The following LIMS1 variants were observed in gnomAD, a reference collection of about 807,000 sequenced individuals.
LIMS1 encodes the protein LIM and senescent cell antigen-like-containing domain protein 1.
LIMS1 carries 18 observed loss-of-function variants against 44.1 expected under a neutral mutation model. The observed-to-expected ratio is 0.41, with a 90% CI of 0.28 to 0.61. The LOEUF (loss-of-function observed/expected upper bound fraction) is 0.61. Ranked by LOEUF, LIMS1 falls within the 20% of genes least tolerant of loss-of-function variation. LIMS1 has a pLI of 0.32. For missense variants in LIMS1, 201 were observed against 422.0 expected, an observed-to-expected ratio of 0.48 and a Z score of 4.59; for synonymous variants, 93 against 149.1, an observed-to-expected ratio of 0.62 and a Z score of 2.74.
intron 1 of LIMS1, among the ~76,000 whole-genome samples, chr2:108,601,761 C>T (rs1014535765): frequency 6.6e-6 from 1 of 152,252 alleles, no homozygotes. Context: ...AGGTGATCCA[C>T]CCACCTTGGC....
chr2:108,570,523 G>T (rs1398221139), intron 1 of LIMS1, among the ~76,000 whole-genome samples: 1 of 152,156 alleles, frequency 6.6e-6, no homozygotes, highest in Non-Finnish European at 1.5e-5. Flanking sequence ...TTGCTGGCAG[G>T]TTGGTCGTGG....
chr2:108,567,093 CAAAT>C (rs1054419129), intron 1 of LIMS1, among the ~76,000 whole-genome samples: 1 of 152,154 alleles, frequency 6.6e-6, no homozygotes, highest in Non-Finnish European at 1.5e-5. Context: ...AGCAGATTCT[CAAAT>C]AATGTTGTTT....
At chr2:108,540,197 T>G (rs1330319887) in intron 1 of LIMS1, among the ~76,000 whole-genome samples, 1 of 139,894 alleles carries the variant, frequency 7.1e-6, no homozygotes, top group African/African-American at 2.6e-5. Flanking sequence ...AGATTCCTTT[T>G]TTTTTTTTTT....
intron 1 of LIMS1, among the ~76,000 whole-genome samples, chr2:108,584,323 A>G (rs1157125467): frequency 6.6e-6 from 1 of 152,174 alleles, no homozygotes; most frequent in Non-Finnish European, 1.5e-5. Flanking sequence ...TCTGCTGTCA[A>G]GAAGACTTAT....
At chr2:108,534,687 C>A in intron 1 of LIMS1, 93 bp downstream of exon 1, 6 of 746,566 alleles carry the variant, frequency 8.0e-6, no homozygotes, top group Non-Finnish European at 9.8e-6. Context: ...CGCGGGCGGG[C>A]GGCCGGGCTT....
intron 1 of LIMS1, among the ~76,000 whole-genome samples, chr2:108,573,990 C>A (rs1685579591): frequency 6.6e-6 from 1 of 152,070 alleles, no homozygotes. Flanking sequence ...GCTTTATAGT[C>A]TTTACTCACT....
chr2:108,668,184 A>G (rs936540615), intron 2 of LIMS1, among the ~76,000 whole-genome samples: 1 of 152,226 alleles, frequency 6.6e-6, no homozygotes, highest in Non-Finnish European at 1.5e-5. Flanking sequence ...TTGTACATTT[A>G]TAATTTCTTT....
intron 3 of LIMS1, among the ~76,000 whole-genome samples, chr2:108,671,534 C>T (rs1266941626): frequency 2.0e-5 from 3 of 152,168 alleles, no homozygotes; most frequent in Non-Finnish European, 2.9e-5. Flanking sequence ...ATTGCTTGCA[C>T]GGCGCATAAG....
intron 1 of LIMS1, among the ~76,000 whole-genome samples, chr2:108,575,060 CTTCTT>C (rs1685619677): frequency 6.6e-6 from 1 of 152,146 alleles, no homozygotes; most frequent in Non-Finnish European, 1.5e-5. Context: ...GCAGGATACT[CTTCTT>C]TTGAAGTATT....
At chr2:108,575,531 A>G (rs1332381908) in intron 1 of LIMS1, among the ~76,000 whole-genome samples, 1 of 152,236 alleles carries the variant, frequency 6.6e-6, no homozygotes, top group East Asian at 1.9e-4. Context: ...TTGAAATTTA[A>G]TGTGGAGGCC....
chr2:108,629,942 C>A (rs1688801778), intron 1 of LIMS1, among the ~76,000 whole-genome samples: 2 of 152,158 alleles, frequency 1.3e-5, no homozygotes, highest in Admixed American at 1.3e-4. Context: ...CCTGTAATCC[C>A]AGCACTTTGG....
chr2:108,667,415 A>G (rs1691835532), intron 2 of LIMS1, among the ~76,000 whole-genome samples: 1 of 152,080 alleles, frequency 6.6e-6, no homozygotes, highest in African/African-American at 2.4e-5. Context: ...TTTTGAACGC[A>G]GGCAGTCTGG....
exon 1 of LIMS1, chr2:108,534,435 C>A: frequency 4.3e-6 from 3 of 702,832 alleles, no homozygotes; most frequent in Non-Finnish European, 5.7e-6. Context: ...GCGGCCGGCC[C>A]CTGGCCTTCC....
rs1688331920 is a variant in LIMS1, at chr2:108,622,903, A to G, written c.33-36702A>G. Among the ~76,000 whole-genome samples the G allele has an allele frequency of 2.6e-5, 4 of 152,102 alleles. No individual in the cohort carries two copies. In the South Asian group the frequency reaches 8.3e-4, roughly 31 times the overall value. ...TTTTCAGACAATAGCCAAAGTACTC[A>G]TGAGTAAAATAACGTATATGCCAAG... On this transcript the variant is annotated intron_variant, in intron 1 of 9. Transcript: ENST00000544547.
Position 108,552,855 on chromosome 2 carries a change from G to A in LIMS1, c.32+18261G>A, listed in dbSNP as rs192652774. Among the ~76,000 whole-genome samples, 7 of 152,150 alleles carry A rather than the reference G, an allele frequency of 4.6e-5. No individual in the cohort carries two copies. In the East Asian group the frequency reaches 9.6e-4, roughly 21 times the overall value. On this transcript the variant is annotated intron_variant, in intron 1 of 9. Transcript: ENST00000544547. Reference sequence around the variant, plus strand: ...GGCCTCCCAAAGTGCTGGAATTACAGACATGAGCCACTGTGCCTAGTCCAA... The same window carrying A: ...GGCCTCCCAAAGTGCTGGAATTACAAACATGAGCCACTGTGCCTAGTCCAA...
chr2:108,553,950 G>T (rs571425118), intron 1 of LIMS1, among the ~76,000 whole-genome samples: 3 of 152,274 alleles, frequency 2.0e-5, no homozygotes, highest in South Asian at 2.1e-4. Flanking sequence ...ATATAGATAG[G>T]CATGATTATC....
chr2:108,551,487 GCGCGCACACA>G (rs1485592698), intron 1 of LIMS1, among the ~76,000 whole-genome samples: 3 of 99,116 alleles, frequency 3.0e-5, no homozygotes, highest in African/African-American at 1.2e-4. Context: ...ATATGCGCGC[GCGCGCACACA>G]CACACACACA....
At chr2:108,583,612 C>T (rs1685974637) in intron 1 of LIMS1, among the ~76,000 whole-genome samples, 1 of 151,488 alleles carries the variant, frequency 6.6e-6, no homozygotes. Context: ...GTGTATTGGG[C>T]ATTGAACAAA....
intron 1 of LIMS1, among the ~76,000 whole-genome samples, chr2:108,552,009 C>T (rs1293735936): frequency 7.0e-6 from 1 of 142,884 alleles, no homozygotes; most frequent in Non-Finnish European, 1.5e-5. Context: ...AGATCATTTT[C>T]AATCTGAACG....
Sources: allele counts gnomAD v4.1 joint callset (sites outside exome capture counted in the v4.1 genomes callset), GRCh38; gene constraint gnomAD v4.1.1; transcripts MANE v1.5; gene names NCBI Gene and HGNC (gene_info 2026-07-23, HGNC 2026-07-21).